Variants in UBE2R2 observed in about 807,000 individuals in gnomAD.
UBE2R2 encodes the protein ubiquitin conjugating enzyme E2 R2.
In UBE2R2, 1 loss-of-function variant was observed where a neutral mutation model predicts 27.8. The ratio of observed to expected loss-of-function variants is 0.04; its 90% CI spans 0.01 to 0.17. UBE2R2 has a LOEUF of 0.17. UBE2R2 is among the 10% of genes least tolerant of loss of function. The pLI is 1.00. For synonymous variants in UBE2R2, 106 were observed against 113.3 expected (o/e 0.94, Z 0.41); for missense variants, 100 against 291.0 (o/e 0.34, Z 4.78).
chr9:33,896,703 C>G (rs1432115656), intron 2 of UBE2R2, among the ~76,000 whole-genome samples: 6 of 151,868 alleles, frequency 4.0e-5, no homozygotes, highest in Non-Finnish European at 7.4e-5. Context: ...CCGCCTTGGC[C>G]TTCCAAAGTC....
At chr9:33,826,252 C>G (rs1340174112) in intron 1 of UBE2R2, among the ~76,000 whole-genome samples, 11 of 151,866 alleles carry the variant, frequency 7.2e-5, no homozygotes, top group Admixed American at 5.2e-4. Flanking sequence ...AGAGATTATG[C>G]TTATGTACCT....
chr9:33,909,566 A>C (rs1264782871), intron 3 of UBE2R2, among the ~76,000 whole-genome samples: 5 of 152,164 alleles, frequency 3.3e-5, no homozygotes. Flanking sequence ...CCAGTACTTA[A>C]GGAGTCCAAG....
intron 2 of UBE2R2, among the ~76,000 whole-genome samples, chr9:33,889,752 A>G (rs1015527788): frequency 1.3e-5 from 2 of 152,088 alleles, no homozygotes; most frequent in African/African-American, 2.4e-5. Flanking sequence ...TGGTGGCATG[A>G]TTTCAGCTCA....
chr9:33,861,808 A>C (rs985767480), intron 1 of UBE2R2, among the ~76,000 whole-genome samples: 4 of 151,500 alleles, frequency 2.6e-5, no homozygotes, highest in Non-Finnish European at 5.9e-5. Context: ...TTCTTTTCCA[A>C]ATGACTGTCC....
At chr9:33,816,700 T>G (rs1825768190), upstream of UBE2R2, among the ~76,000 whole-genome samples, 2 of 152,030 alleles carry the variant, frequency 1.3e-5, no homozygotes, top group Non-Finnish European at 2.9e-5. Flanking sequence ...AGCTACTAAG[T>G]GGAGGGACCG....
intron 1 of UBE2R2, among the ~76,000 whole-genome samples, chr9:33,879,519 T>C (rs1821684775): frequency 6.6e-6 from 1 of 152,042 alleles, no homozygotes; most frequent in South Asian, 2.1e-4. Flanking sequence ...AGTGGCGTGA[T>C]CACAGCTTAC....
chr9:33,837,117 TCTC>T (rs1431305125), intron 1 of UBE2R2, among the ~76,000 whole-genome samples: 2 of 152,218 alleles, frequency 1.3e-5, no homozygotes, highest in African/African-American at 4.8e-5. Context: ...CAAGATATTT[TCTC>T]CTCTATGTTT....
chr9:33,827,581 C>T (rs910861416), intron 1 of UBE2R2, among the ~76,000 whole-genome samples: 2 of 151,682 alleles, frequency 1.3e-5, no homozygotes, highest in African/African-American at 4.8e-5. Context: ...GTGGAATTTG[C>T]AGTAAGCTGA....
chr9:33,920,329 AT>A lies in UBE2R2; in HGVS notation c.*3096del, dbSNP rs879325045. 2 of 151,896 alleles carry A rather than the reference AT, an allele frequency of 1.3e-5. No individual in the cohort carries two copies. Among genetic ancestry groups the A allele is most frequent in the African/African-American group, 4.8e-5 (2 of 41,322 alleles). 9.4% of individuals were successfully genotyped at this position (151,896 alleles called of 1,614,324 possible). On this transcript the variant is annotated 3_prime_UTR_variant, in exon 5 of 5. Transcript: ENST00000263228. Reference sequence around the variant, plus strand: ...GTGTTGACTTCCCCTTTAGTGGTTTATTTTGTCTTTTTCTGCCCATCTGTCT... The same window carrying A: ...GTGTTGACTTCCCCTTTAGTGGTTTATTTGTCTTTTTCTGCCCATCTGTCT...
At chr9:33,886,834 A>G (rs775796995) in intron 1 of UBE2R2, 47 bp from the exon 2 acceptor site, 3 of 1,471,706 alleles carry the variant, frequency 2.0e-6, no homozygotes, top group Non-Finnish European at 2.8e-6. Context: ...AGGCAGATGA[A>G]TAAGTTATAG....
intron 1 of UBE2R2, among the ~76,000 whole-genome samples, chr9:33,885,414 T>C (rs960735169): frequency 1.1e-4 from 16 of 152,220 alleles, no homozygotes; most frequent in African/African-American, 3.9e-4. Context: ...CCTGCCATTG[T>C]TTTCAACAAA....
intron 1 of UBE2R2, among the ~76,000 whole-genome samples, chr9:33,853,991 C>T (rs965783881): frequency 2.0e-5 from 3 of 152,068 alleles, no homozygotes; most frequent in Non-Finnish European, 4.4e-5. Flanking sequence ...CCACTGCACC[C>T]GTCCCCTAAT....
At chr9:33,911,849 A>C (rs1822500046) in intron 3 of UBE2R2, 115 bp from the exon 4 acceptor site, 3 of 1,026,738 alleles carry the variant, frequency 2.9e-6, no homozygotes, top group Middle Eastern at 5.3e-4. Context: ...ATTGTATCAG[A>C]AAAATTTTAA....
intron 1 of UBE2R2, among the ~76,000 whole-genome samples, chr9:33,827,513 C>A (rs565405002): frequency 7.0e-4 from 107 of 151,934 alleles, no homozygotes; most frequent in African/African-American, 2.5e-3. Flanking sequence ...TGGTGGCGCA[C>A]GCCTGAAATC....
intron 1 of UBE2R2, among the ~76,000 whole-genome samples, chr9:33,841,973 C>T (rs968796892): frequency 1.3e-5 from 2 of 152,156 alleles, no homozygotes; most frequent in African/African-American, 2.4e-5. Context: ...TCATTACATG[C>T]AATATTCTCT....
At chr9:33,872,929 C>A (rs1821518719) in intron 1 of UBE2R2, among the ~76,000 whole-genome samples, 1 of 151,916 alleles carries the variant, frequency 6.6e-6, no homozygotes, top group African/African-American at 2.4e-5. Context: ...AATCCCAGCA[C>A]TTTAGGAGGC....
intron 1 of UBE2R2, among the ~76,000 whole-genome samples, chr9:33,828,439 G>A (rs1820367419): frequency 6.7e-6 from 1 of 149,634 alleles, no homozygotes. Context: ...GTCCACGCTG[G>A]AGTGCAGTGG....
chr9:33,819,531 G>C (rs571759945), intron 1 of UBE2R2, among the ~76,000 whole-genome samples: 2 of 152,276 alleles, frequency 1.3e-5, no homozygotes, highest in South Asian at 4.1e-4. Flanking sequence ...TAGTAACAAA[G>C]TGGAAAAGAT....
In UBE2R2 at chr9:33,817,949, C is replaced by T; in HGVS notation, c.177+15C>T. 3 of 1,600,184 alleles carry T rather than the reference C, an allele frequency of 1.9e-6. No individual in the cohort carries two copies. Among genetic ancestry groups the T allele is most frequent in the Non-Finnish European group, 2.6e-6 (3 of 1,173,224 alleles). On this transcript the variant is annotated intron_variant, in intron 1 of 4. Coordinates refer to ENST00000263228, the MANE Select transcript of UBE2R2 (RefSeq NM_017811.4). ...GCTACTTCAAGGTACCCTCACCCTC[C>T]TCCCGGACCCTGCTTCCGCGGCCGA...
Sources: allele counts gnomAD v4.1 joint callset (sites outside exome capture counted in the v4.1 genomes callset), GRCh38; gene constraint gnomAD v4.1.1; transcripts MANE v1.5; gene names NCBI Gene and HGNC (gene_info 2026-07-23, HGNC 2026-07-21).